ZNF385D: variants seen among roughly 807,000 people sequenced by gnomAD.
ZNF385D encodes the protein zinc finger protein 385D.
ZNF385D carries 15 observed loss-of-function variants against 35.8 expected under a neutral mutation model. The ratio of observed to expected loss-of-function variants is 0.42; its 90% CI spans 0.28 to 0.64. The LOEUF (loss-of-function observed/expected upper bound fraction) is 0.64. ZNF385D is among the 30% of genes least tolerant of loss of function. The pLI, the probability that ZNF385D is intolerant of heterozygous loss-of-function variation, is 0.23. For missense variants in ZNF385D, 474 were observed against 494.6 expected, an observed-to-expected ratio of 0.96 and a Z score of 0.39; for synonymous variants, 212 against 186.8, an observed-to-expected ratio of 1.13 and a Z score of -1.10.
intron 4 of ZNF385D, among the ~76,000 whole-genome samples, chr3:21,449,137 C>T (rs1415696700): frequency 6.6e-6 from 1 of 152,000 alleles, no homozygotes; most frequent in East Asian, 1.9e-4. Flanking sequence ...ATTTTTAATT[C>T]AATACTTTAA....
intron 3 of ZNF385D, among the ~76,000 whole-genome samples, chr3:21,804,685 T>A (rs2072556924): frequency 6.6e-6 from 1 of 152,184 alleles, no homozygotes; most frequent in Non-Finnish European, 1.5e-5. Flanking sequence ...TCAGATTCTG[T>A]ATTATTTACC....
intron 3 of ZNF385D, among the ~76,000 whole-genome samples, chr3:21,961,008 A>G (rs1194655086): frequency 1.3e-5 from 2 of 152,100 alleles, no homozygotes; most frequent in South Asian, 2.1e-4. Flanking sequence ...CTGTGGTGCT[A>G]TAGGTTGATA....
chr3:21,462,877 G>T (rs1703266087), intron 4 of ZNF385D, among the ~76,000 whole-genome samples: 1 of 152,114 alleles, frequency 6.6e-6, no homozygotes, highest in African/African-American at 2.4e-5. Context: ...AGCTACTCAG[G>T]AAGTTGAGGC....
At chr3:22,182,420 G>T (rs1462019609) in intron 2 of ZNF385D, among the ~76,000 whole-genome samples, 2 of 152,048 alleles carry the variant, frequency 1.3e-5, no homozygotes, top group African/African-American at 4.8e-5. Flanking sequence ...TGAAGAACTT[G>T]ATCACCTGAT....
At chr3:21,490,478 T>C (rs541840873) in intron 4 of ZNF385D, among the ~76,000 whole-genome samples, 2 of 152,292 alleles carry the variant, frequency 1.3e-5, no homozygotes, top group Admixed American at 6.5e-5. Context: ...ATCTATCCCC[T>C]ACCCCTTTAT....
At chr3:22,173,233 A>T (rs1286235291) in intron 2 of ZNF385D, among the ~76,000 whole-genome samples, 1 of 152,190 alleles carries the variant, frequency 6.6e-6, no homozygotes, top group African/African-American at 2.4e-5. Flanking sequence ...AAACTAAATG[A>T]AATGTGGTAT....
chr3:21,975,710 T>TA (rs1266705858), intron 3 of ZNF385D, among the ~76,000 whole-genome samples: 3 of 2,892 alleles, frequency 1.0e-3, no homozygotes, highest in African/African-American at 2.5e-3. Context: ...GAAATATATA[T>TA]ATATATATAT....
chr3:22,189,785 A>C (rs1026302378), intron 2 of ZNF385D, among the ~76,000 whole-genome samples: 1 of 152,138 alleles, frequency 6.6e-6, no homozygotes, highest in African/African-American at 2.4e-5. Context: ...TGCTTGGCAT[A>C]CCTCAAAACA....
rs59555475 is a variant in ZNF385D, at chr3:22,033,402, AAATAATAAT to A, written c.325+135406_325+135414del. 7.7e-3 allele frequency among the ~76,000 whole-genome samples: 1,071 copies of A among 139,386 alleles called. 27 individuals are homozygous for A. The highest frequency in any genetic ancestry group is 0.059 in the East Asian group (280 of 4,722). 91.4% of individuals were successfully genotyped at this position (139,386 alleles called of 152,430 possible). On this transcript the variant is annotated intron_variant, in intron 3 of 5. Transcript: ENST00000494108. ...GGGTGACAGAGCAAGGCTGGCTCCA[AAATAATAAT>A]AATAATAATAATAATAATAATAATA...
At chr3:22,027,045 T>C (rs1697599567) in intron 3 of ZNF385D, among the ~76,000 whole-genome samples, 1 of 152,198 alleles carries the variant, frequency 6.6e-6, no homozygotes, top group Admixed American at 6.5e-5. Flanking sequence ...TTTTTCTCCA[T>C]TCCTGTCCAT....
At chr3:21,645,475 A>G (rs761344983) in intron 2 of ZNF385D, among the ~76,000 whole-genome samples, 37 of 152,176 alleles carry the variant, frequency 2.4e-4, no homozygotes, top group Admixed American at 2.0e-3. Flanking sequence ...TGCATTTGCA[A>G]TTACCAGAAA....
intron 3 of ZNF385D, among the ~76,000 whole-genome samples, chr3:21,518,917 CTTG>C (rs1450794485): frequency 6.6e-6 from 1 of 152,052 alleles, no homozygotes; most frequent in Non-Finnish European, 1.5e-5. Flanking sequence ...TTCATTTCAA[CTTG>C]TTATTGTGTA....
intron 2 of ZNF385D, among the ~76,000 whole-genome samples, chr3:21,568,508 G>A (rs973835472): frequency 6.6e-6 from 1 of 151,956 alleles, no homozygotes; most frequent in African/African-American, 2.4e-5. Flanking sequence ...GCACATTATC[G>A]TCAAGAATTT....
intron 3 of ZNF385D, among the ~76,000 whole-genome samples, chr3:22,036,492 G>A (rs1426521162): frequency 6.6e-6 from 1 of 151,810 alleles, no homozygotes; most frequent in African/African-American, 2.4e-5. Flanking sequence ...GGAAATAGTG[G>A]AAAATACTTA....
At chr3:21,482,486 T>C (rs973872678) in intron 4 of ZNF385D, among the ~76,000 whole-genome samples, 2 of 152,174 alleles carry the variant, frequency 1.3e-5, no homozygotes, top group Non-Finnish European at 2.9e-5. Flanking sequence ...TAAGTCATCC[T>C]TGCCCATGGT....
intron 3 of ZNF385D, among the ~76,000 whole-genome samples, chr3:21,948,592 C>A: frequency 6.6e-6 from 1 of 152,022 alleles, no homozygotes; most frequent in East Asian, 1.9e-4. Flanking sequence ...TACCAGATTT[C>A]TATATACTGA....
chr3:21,578,306 T>C (rs2063552805), intron 2 of ZNF385D, among the ~76,000 whole-genome samples: 1 of 152,180 alleles, frequency 6.6e-6, no homozygotes, highest in African/African-American at 2.4e-5. Context: ...TGGTTTCTTT[T>C]GCTGTGCAGA....
At chr3:22,238,392 T>C (rs1261944419) in intron 2 of ZNF385D, among the ~76,000 whole-genome samples, 1 of 151,140 alleles carries the variant, frequency 6.6e-6, no homozygotes, top group African/African-American at 2.4e-5. Context: ...AATCTGTAGA[T>C]CAGTTTGACA....
chr3:21,569,597 C>A (rs2063262915), intron 2 of ZNF385D, among the ~76,000 whole-genome samples: 1 of 150,180 alleles, frequency 6.7e-6, no homozygotes, highest in South Asian at 2.1e-4. Flanking sequence ...GAATTTGATC[C>A]TGTCATTATG....
Sources: gnomAD v4.1 joint callset for allele counts (sites outside exome capture counted in the v4.1 genomes callset) on GRCh38, gnomAD v4.1.1 for gene constraint, MANE v1.5 for transcripts, NCBI Gene and HGNC (gene_info 2026-07-23, HGNC 2026-07-21) for gene names.